MDGA2: variants seen among roughly 807,000 people sequenced by gnomAD.
The protein encoded by MDGA2 is MAM domain containing glycosylphosphatidylinositol anchor 2, also known as MAM domain-containing glycosylphosphatidylinositol anchor protein 2.
A neutral mutation model predicts 117.8 loss-of-function variants in MDGA2; 40 were observed. That is an observed-to-expected ratio of 0.34 (90% confidence interval 0.26 to 0.44). The LOEUF is 0.44. Ranked by LOEUF, MDGA2 falls within the 20% of genes least tolerant of loss-of-function variation. MDGA2 has a pLI of 1.00. For synonymous variants in MDGA2, 452 were observed against 439.0 expected (o/e 1.03, Z -0.37); for missense variants, 1,123 against 1,250.6 (o/e 0.90, Z 1.54).
chr14:47,558,165 G>A lies in MDGA2; in HGVS notation c.280+116352C>T, dbSNP rs892619265. ...CTAGAAAAAAAGACTATGGTTGGGTGAAGACTCTATTCCCATCTATGCCTA... is the reference window on the plus strand; with the variant it reads ...CTAGAAAAAAAGACTATGGTTGGGTAAAGACTCTATTCCCATCTATGCCTA... On this transcript the variant is annotated intron_variant, in intron 1 of 16. Transcript: ENST00000399232. Among the ~76,000 whole-genome samples, 9 of 152,252 alleles carry A rather than the reference G, an allele frequency of 5.9e-5. No homozygotes were observed. The East Asian group carries it at 1.5e-3, about 26-fold the overall frequency.
chr14:47,306,476 G>A (rs1348926608), intron 1 of MDGA2, among the ~76,000 whole-genome samples: 1 of 117,988 alleles, frequency 8.5e-6, no homozygotes, highest in Non-Finnish European at 1.8e-5. Flanking sequence ...AAAACGTGCT[G>A]CTAATCAGGC....
chr14:46,901,664 A>C (rs1162728971), intron 10 of MDGA2, among the ~76,000 whole-genome samples: 1 of 152,224 alleles, frequency 6.6e-6, no homozygotes, highest in East Asian at 1.9e-4. Flanking sequence ...GCAATTGTAA[A>C]AGCAATTTAA....
At chr14:47,153,490 G>C (rs1199163228) in intron 3 of MDGA2, among the ~76,000 whole-genome samples, 1 of 152,162 alleles carries the variant, frequency 6.6e-6, no homozygotes, top group Non-Finnish European at 1.5e-5. Context: ...TAAAAGGTAA[G>C]AAAGTTGAGT....
intron 1 of MDGA2, among the ~76,000 whole-genome samples, chr14:47,648,343 T>C (rs1897574871): frequency 6.6e-6 from 1 of 152,172 alleles, no homozygotes; most frequent in Admixed American, 6.5e-5. Flanking sequence ...TTCTATATAG[T>C]ATATTCTCAG....
chr14:47,383,032 T>G (rs1057085529), intron 1 of MDGA2, among the ~76,000 whole-genome samples: 10 of 152,106 alleles, frequency 6.6e-5, no homozygotes, highest in Admixed American at 6.5e-4. Flanking sequence ...CCATAAAAAA[T>G]GATGAGTTCA....
At chr14:47,107,409 A>T (rs1170679638) in intron 5 of MDGA2, among the ~76,000 whole-genome samples, 2 of 152,012 alleles carry the variant, frequency 1.3e-5, no homozygotes, top group Non-Finnish European at 2.9e-5. Context: ...CTGCCTCTAC[A>T]ACCCATTATT....
At chr14:47,121,080 G>A (rs1881625925) in intron 5 of MDGA2, among the ~76,000 whole-genome samples, 2 of 152,042 alleles carry the variant, frequency 1.3e-5, no homozygotes, top group South Asian at 2.1e-4. Context: ...ATATCAGGGG[G>A]GAAAAACTCA....
rs576749688 is a variant in MDGA2 at position 47,378,750 on chromosome 14, A to G, written c.281-77200T>C. Reference sequence around the variant, plus strand: ...CCAAATCTACGTCTGATTGGTGTACATTAAAGTGGCAAAGAGAATGGAACC... The same window carrying G: ...CCAAATCTACGTCTGATTGGTGTACGTTAAAGTGGCAAAGAGAATGGAACC... On this transcript the variant is annotated intron_variant, in intron 1 of 16. Transcript: ENST00000399232. 2.0e-5 allele frequency among the ~76,000 whole-genome samples: 3 copies of G among 152,304 alleles called. No individual in the cohort carries two copies. In the South Asian group the frequency reaches 6.2e-4, roughly 32 times the overall value.
chr14:46,971,764 G>T (rs902550281), intron 8 of MDGA2, among the ~76,000 whole-genome samples: 22 of 152,124 alleles, frequency 1.4e-4, no homozygotes, highest in Non-Finnish European at 2.2e-4. Context: ...AAAGAGCTAT[G>T]TATAGAAATG....
chr14:47,037,907 C>A (rs764588729), intron 7 of MDGA2, among the ~76,000 whole-genome samples: 7 of 152,136 alleles, frequency 4.6e-5, no homozygotes, highest in Non-Finnish European at 1.0e-4. Context: ...AACCAAAACA[C>A]CGTCTGTATT....
intron 8 of MDGA2, among the ~76,000 whole-genome samples, chr14:47,030,041 T>A (rs1198723876): frequency 6.6e-6 from 1 of 151,932 alleles, no homozygotes; most frequent in Non-Finnish European, 1.5e-5. Context: ...TTGGCCAGAA[T>A]GGTCTCAATC....
rs1225989989 is a variant in MDGA2, at chr14:47,035,036, T to C, written c.1794A>G (p.Glu598=). Reference sequence around the variant, plus strand: ...ACTGAACGATGAGCTGCACCAAGGCTTCCCTTGGTTTCACGTTAAATCCAT... The same window carrying C: ...ACTGAACGATGAGCTGCACCAAGGCCTCCCTTGGTTTCACGTTAAATCCAT... ...QYNGFNVKPR[E]ALVQLIVQYP... Residue 598 remains glutamate, a synonymous_variant, in exon 8 of 17, where the codon GAA becomes GAG. Coordinates refer to ENST00000399232, the MANE Select transcript of MDGA2 (RefSeq NM_001113498.3). The C allele has an allele frequency of 6.2e-7, 1 of 1,613,800 alleles. No individual in the cohort carries two copies.
chr14:47,399,918 G>A (rs1051611285), intron 1 of MDGA2, among the ~76,000 whole-genome samples: 12 of 152,128 alleles, frequency 7.9e-5, no homozygotes, highest in African/African-American at 1.2e-4. Flanking sequence ...TACACTTGGA[G>A]TGTGGCACTG....
intron 2 of MDGA2, among the ~76,000 whole-genome samples, chr14:47,248,475 G>T (rs946535587): frequency 6.6e-6 from 1 of 151,522 alleles, no homozygotes; most frequent in Admixed American, 6.6e-5. Context: ...GTAGCCACAA[G>T]GTAATAATTT....
At chr14:47,439,596 A>G (rs569730824) in intron 1 of MDGA2, among the ~76,000 whole-genome samples, 24 of 152,256 alleles carry the variant, frequency 1.6e-4, no homozygotes, top group African/African-American at 5.8e-4. Context: ...AGCTGTAGAA[A>G]AATTCTTTTT....
At chr14:46,851,279 T>A (rs1189611483) in intron 15 of MDGA2, among the ~76,000 whole-genome samples, 1 of 151,824 alleles carries the variant, frequency 6.6e-6, no homozygotes, top group Non-Finnish European at 1.5e-5. Context: ...AAATATACTA[T>A]GAAAGAAGTA....
chr14:47,075,004 A>T (rs1349871708), intron 6 of MDGA2, among the ~76,000 whole-genome samples: 1 of 151,808 alleles, frequency 6.6e-6, no homozygotes. Flanking sequence ...TCACTCTTTC[A>T]TTTATGACAC....
intron 1 of MDGA2, among the ~76,000 whole-genome samples, chr14:47,442,514 G>A (rs1238441636): frequency 6.6e-6 from 1 of 152,098 alleles, no homozygotes; most frequent in Non-Finnish European, 1.5e-5. Flanking sequence ...CTGGAGATGA[G>A]GTCAGTAGTG....
At chr14:47,242,828 A>T (rs1265539393) in intron 2 of MDGA2, among the ~76,000 whole-genome samples, 1 of 151,836 alleles carries the variant, frequency 6.6e-6, no homozygotes, top group Non-Finnish European at 1.5e-5. Flanking sequence ...GAGGAATGCT[A>T]GCGCAGGGCA....
Sources: allele counts gnomAD v4.1 joint callset (sites outside exome capture counted in the v4.1 genomes callset), GRCh38; gene constraint gnomAD v4.1.1; transcripts MANE v1.5; gene names NCBI Gene and HGNC (gene_info 2026-07-23, HGNC 2026-07-21).